The following CDH13 variants were observed in gnomAD, a reference collection of about 807,000 sequenced individuals.
The protein encoded by CDH13 is cadherin-13.
CDH13 carries 24 observed loss-of-function variants against 63.8 expected under a neutral mutation model. The observed-to-expected ratio is 0.38, with a 90% CI of 0.27 to 0.53. CDH13 has a LOEUF of 0.53. CDH13 is among the 20% of genes least tolerant of loss of function. CDH13 has a pLI of 0.85. For missense variants in CDH13, 1,049 were observed against 903.1 expected, an observed-to-expected ratio of 1.16 and a Z score of -2.07; for synonymous variants, 503 against 355.3, an observed-to-expected ratio of 1.42 and a Z score of -4.67.
At chr16:82,939,281 G>A (rs892226727) in intron 2 of CDH13, among the ~76,000 whole-genome samples, 27 of 152,112 alleles carry the variant, frequency 1.8e-4, no homozygotes, top group Non-Finnish European at 3.2e-4. Context: ...AAATTAGCCA[G>A]GTGTGCTGGT....
In CDH13 at chr16:83,047,120, A is replaced by T. The variant is rs567802325; in HGVS notation, c.366+14902A>T. ...TTTACAACTTCCTTCCTTTGAAGAT[A>T]TAAAGCTTTAAACAGTAGTAGTTCT... On this transcript the variant is annotated intron_variant, in intron 3 of 13. Coordinates refer to ENST00000567109, the MANE Select transcript of CDH13 (RefSeq NM_001257.5). This position sits in a 1 kb window ranked among gnomAD's most constrained non-coding sequence, Gnocchi z 4.9. Among the ~76,000 whole-genome samples the T allele has an allele frequency of 6.6e-6, 1 of 152,194 alleles. No homozygotes were observed. The highest frequency in any genetic ancestry group is 1.5e-5 in the Non-Finnish European group (1 of 68,034).
chr16:83,028,554 C>G (rs1053651138), intron 2 of CDH13, among the ~76,000 whole-genome samples: 1 of 152,172 alleles, frequency 6.6e-6, no homozygotes, highest in Non-Finnish European at 1.5e-5. Flanking sequence ...GGGGATGTGT[C>G]ACAAGACCTA....
intron 2 of CDH13, among the ~76,000 whole-genome samples, chr16:82,877,534 C>G (rs1480645510): frequency 6.6e-6 from 1 of 152,200 alleles, no homozygotes; most frequent in Non-Finnish European, 1.5e-5. Flanking sequence ...TCCCAAACTT[C>G]TGTCTGTGGA....
At chr16:82,870,115 A>G (rs1455919132) in intron 2 of CDH13, among the ~76,000 whole-genome samples, 2 of 152,018 alleles carry the variant, frequency 1.3e-5, no homozygotes, top group Middle Eastern at 3.4e-3. Context: ...AAGGAAGTCA[A>G]ACAACTCAAT....
chr16:83,590,868 G>C (rs543695534), intron 7 of CDH13, among the ~76,000 whole-genome samples: 1 of 145,306 alleles, frequency 6.9e-6, no homozygotes, highest in Non-Finnish European at 1.5e-5. Context: ...CAGGTGGGCT[G>C]TCAATCTGTG....
chr16:83,314,442 T>C (rs1329065143), intron 5 of CDH13, among the ~76,000 whole-genome samples: 1 of 152,186 alleles, frequency 6.6e-6, no homozygotes, highest in Admixed American at 6.5e-5. Context: ...TATGTGAAAT[T>C]AGACTTCCAG....
At chr16:83,463,652 A>G (rs1032048325) in intron 6 of CDH13, among the ~76,000 whole-genome samples, 2 of 152,100 alleles carry the variant, frequency 1.3e-5, no homozygotes, top group Non-Finnish European at 2.9e-5. Context: ...AATTTTAAAA[A>G]TTTAACCGGG....
chr16:83,399,694 G>T (rs1323580120), intron 6 of CDH13, among the ~76,000 whole-genome samples: 1 of 152,150 alleles, frequency 6.6e-6, no homozygotes, highest in Non-Finnish European at 1.5e-5. Context: ...TGCTTTTGGA[G>T]TCCGTCTGCT....
chr16:83,239,081 G>C (rs1218251518), intron 5 of CDH13, among the ~76,000 whole-genome samples: 2 of 152,176 alleles, frequency 1.3e-5, no homozygotes, highest in African/African-American at 2.4e-5. Context: ...TTGGTCAGGG[G>C]ACTGATGCTC....
intron 2 of CDH13, among the ~76,000 whole-genome samples, chr16:83,012,078 A>G (rs931460782): frequency 3.4e-4 from 51 of 152,200 alleles, no homozygotes; most frequent in Admixed American, 3.3e-3. Context: ...GAAAGTTGAA[A>G]GAGGAACTCA....
chr16:82,653,822 G>A (rs914699588), intron 1 of CDH13, among the ~76,000 whole-genome samples: 42 of 152,284 alleles, frequency 2.8e-4, no homozygotes, highest in Admixed American at 2.6e-4. Context: ...CGCAGGATGG[G>A]AGACAGATGC....
intron 1 of CDH13, among the ~76,000 whole-genome samples, chr16:82,671,373 C>G (rs1450117977): frequency 6.6e-6 from 1 of 152,174 alleles, no homozygotes; most frequent in Non-Finnish European, 1.5e-5. Context: ...GTACCTTGGT[C>G]ATGTAAGCCA....
intron 8 of CDH13, among the ~76,000 whole-genome samples, chr16:83,666,717 G>A (rs1913986861): frequency 6.6e-6 from 1 of 152,100 alleles, no homozygotes; most frequent in African/African-American, 2.4e-5. Flanking sequence ...TGCCAGGTAT[G>A]TTCTCACCCC....
intron 10 of CDH13, among the ~76,000 whole-genome samples, chr16:83,687,036 C>T (rs906605734): frequency 2.0e-5 from 3 of 152,060 alleles, no homozygotes; most frequent in Admixed American, 1.3e-4. Context: ...ATGGTGAAAC[C>T]CCATCTGTAC....
chr16:83,618,121 C>G (rs558762346), intron 8 of CDH13, among the ~76,000 whole-genome samples: 27 of 151,980 alleles, frequency 1.8e-4, no homozygotes, highest in African/African-American at 6.3e-4. Context: ...ATCTCTGAGT[C>G]ATGTTGTTGC....
At chr16:83,542,845 C>T (rs2075319176) in intron 7 of CDH13, among the ~76,000 whole-genome samples, 1 of 152,178 alleles carries the variant, frequency 6.6e-6, no homozygotes, top group Non-Finnish European at 1.5e-5. Flanking sequence ...GGCTTAGGGC[C>T]CGTGCTCATG....
chr16:82,850,318 G>A lies in CDH13; in HGVS notation c.46-8044G>A, dbSNP rs147783567. Among the ~76,000 whole-genome samples, 3 of 152,320 alleles carry A rather than the reference G, an allele frequency of 2.0e-5. No homozygotes were observed. In the East Asian group the frequency reaches 5.8e-4, roughly 29 times the overall value. On this transcript the variant is annotated intron_variant, in intron 1 of 13. Coordinates refer to ENST00000567109, the MANE Select transcript of CDH13 (RefSeq NM_001257.5). Reference sequence around the variant, plus strand: ...ATTTTGAGAGGTTCAAGACTTCAGTGGAGGAAGGAAGTGCAGAAGTGGTCG... The same window carrying A: ...ATTTTGAGAGGTTCAAGACTTCAGTAGAGGAAGGAAGTGCAGAAGTGGTCG...
chr16:83,265,753 T>TTTTTTTTTTTC (rs369864549), intron 5 of CDH13, among the ~76,000 whole-genome samples: 1 of 132,548 alleles, frequency 7.5e-6, no homozygotes, highest in Non-Finnish European at 1.7e-5. Context: ...TTTTTTTTTT[T>TTTTTTTTTTTC]GGTCTGTGTC....
At chr16:82,834,840 T>C (rs1183347511) in intron 1 of CDH13, among the ~76,000 whole-genome samples, 1 of 152,242 alleles carries the variant, frequency 6.6e-6, no homozygotes, top group Non-Finnish European at 1.5e-5. Flanking sequence ...ACTAGCAAGC[T>C]AAAATGGTTT....
Sources: allele counts gnomAD v4.1 joint callset (sites outside exome capture counted in the v4.1 genomes callset), GRCh38; gene constraint gnomAD v4.1.1; non-coding constraint Gnocchi (gnomAD v3.1); transcripts MANE v1.5; gene names NCBI Gene and HGNC (gene_info 2026-07-23, HGNC 2026-07-21).